ARHGEF7: variants seen among roughly 807,000 people sequenced by gnomAD.
ARHGEF7 encodes Rho guanine nucleotide exchange factor 7, also known as PAK-interacting exchange factor beta.
A neutral mutation model predicts 109.8 loss-of-function variants in ARHGEF7; 33 were observed. That is an observed-to-expected ratio of 0.30 (90% CI 0.23 to 0.40). The LOEUF is 0.40. Among genes scored for constraint, ARHGEF7 ranks in the 10% least tolerant of loss-of-function variants. The pLI is 1.00. For synonymous variants in ARHGEF7, 458 were observed against 424.6 expected (o/e 1.08, Z -0.97); for missense variants, 938 against 1,098.5 (o/e 0.85, Z 2.07).
intron 8 of ARHGEF7, among the ~76,000 whole-genome samples, chr13:111,263,522 C>T (rs973669967): frequency 2.0e-5 from 3 of 152,212 alleles, no homozygotes; most frequent in African/African-American, 4.8e-5. Flanking sequence ...TAGCATAGCC[C>T]ATGGCCCAGC....
chr13:111,270,564 T>C (rs2092058828), intron 9 of ARHGEF7, among the ~76,000 whole-genome samples: 1 of 152,212 alleles, frequency 6.6e-6, no homozygotes, highest in Admixed American at 6.5e-5. Context: ...CATGTTTCAC[T>C]TTTTTGGCTT....
At chr13:111,196,343 T>C (rs1402562954) in intron 2 of ARHGEF7, among the ~76,000 whole-genome samples, 1 of 152,218 alleles carries the variant, frequency 6.6e-6, no homozygotes, top group Non-Finnish European at 1.5e-5. Flanking sequence ...CATTCTGTCA[T>C]TTACTTGACT....
At chr13:111,276,358 C>T (rs2092481655) in intron 12 of ARHGEF7, among the ~76,000 whole-genome samples, 1 of 152,210 alleles carries the variant, frequency 6.6e-6, no homozygotes, top group African/African-American at 2.4e-5. Context: ...AAAACTAAAA[C>T]TTCAAACTTA....
chr13:111,205,485 CT>C (rs1314037044), intron 3 of ARHGEF7, 112 bp downstream of exon 3: 54 of 667,052 alleles, frequency 8.1e-5, no homozygotes, highest in Non-Finnish European at 7.4e-6. Context: ...AAAAAATAAG[CT>C]TTTGTTGCAT....
At chr13:111,186,529 G>T (rs992544754) in intron 2 of ARHGEF7, among the ~76,000 whole-genome samples, 7 of 152,150 alleles carry the variant, frequency 4.6e-5, no homozygotes, top group Non-Finnish European at 7.3e-5. Context: ...ACGTACTGCT[G>T]GATTTCTGTT....
intron 2 of ARHGEF7, among the ~76,000 whole-genome samples, chr13:111,193,310 C>T (rs572428926): frequency 9.1e-4 from 138 of 152,298 alleles, no homozygotes; most frequent in African/African-American, 3.0e-3. Context: ...AGGGTCCTTC[C>T]GTAGGTATTT....
At chr13:111,174,768 T>C (rs1018768806) in intron 2 of ARHGEF7, among the ~76,000 whole-genome samples, 20 of 152,138 alleles carry the variant, frequency 1.3e-4, no homozygotes, top group African/African-American at 4.6e-4. Context: ...ATCTGTACGC[T>C]GGGGGTCGTA....
chr13:111,129,688 G>T (rs958764903), intron 1 of ARHGEF7, among the ~76,000 whole-genome samples: 5 of 152,216 alleles, frequency 3.3e-5, no homozygotes, highest in Non-Finnish European at 7.3e-5. Context: ...CACTACACAC[G>T]TATCATCACG....
chr13:111,138,696 A>G (rs979505029), intron 1 of ARHGEF7, among the ~76,000 whole-genome samples: 1 of 152,166 alleles, frequency 6.6e-6, no homozygotes, highest in African/African-American at 2.4e-5. Context: ...ACATTGCTCA[A>G]TTTCAGTCCA....
chr13:111,288,274 A>T, intron 17 of ARHGEF7, 80 bp from the exon 18 acceptor site: 1 of 767,990 alleles, frequency 1.3e-6, no homozygotes. Flanking sequence ...GGTCGAGTTG[A>T]TGTCTGCATT....
chr13:111,187,780 T>G (rs1254283464), intron 2 of ARHGEF7, among the ~76,000 whole-genome samples: 1 of 152,122 alleles, frequency 6.6e-6, no homozygotes, highest in Non-Finnish European at 1.5e-5. Flanking sequence ...AACATTGGAG[T>G]GTCCTTCTGT....
chr13:111,163,486 G>A (rs1281382848), intron 2 of ARHGEF7, among the ~76,000 whole-genome samples: 1 of 152,162 alleles, frequency 6.6e-6, no homozygotes, highest in Non-Finnish European at 1.5e-5. Flanking sequence ...AGCCACAGAT[G>A]CGATTTTAAG....
intron 10 of ARHGEF7, 141 bp downstream of exon 10, chr13:111,274,093 T>A: frequency 1.9e-6 from 2 of 1,071,208 alleles, no homozygotes; most frequent in Non-Finnish European, 2.6e-6. Flanking sequence ...TGTTAAATAT[T>A]ATGTTTTTCT....
At chr13:111,264,046 AG>A (rs1446852118) in intron 8 of ARHGEF7, among the ~76,000 whole-genome samples, 1 of 152,230 alleles carries the variant, frequency 6.6e-6, no homozygotes, top group East Asian at 1.9e-4. Flanking sequence ...TAATCCCGGT[AG>A]GTTGTGGAAA....
Position 111,133,858 on chromosome 13 carries a change from T to TTTG in ARHGEF7, c.165+18170_165+18172dup, listed in dbSNP as rs2074949858. On this transcript the variant is annotated intron_variant, in intron 1 of 21. Coordinates refer to ENST00000646102, the MANE Select transcript of ARHGEF7 (RefSeq NM_001354046.2). ...TAGGTACATGTGCACAGTGTGCAGG[T>TTTG]TTGTTACATATGTATACATGTGCCA... Among the ~76,000 whole-genome samples, 3 of 146,000 alleles carry TTTG rather than the reference T, an allele frequency of 2.1e-5. No individual in the cohort carries two copies. The South Asian group carries it at 6.7e-4, about 33-fold the overall frequency.
At chr13:111,167,733 G>T (rs2077242563) in intron 2 of ARHGEF7, among the ~76,000 whole-genome samples, 1 of 152,162 alleles carries the variant, frequency 6.6e-6, no homozygotes, top group Non-Finnish European at 1.5e-5. Flanking sequence ...CCTGCTTCCT[G>T]CAGGAGCCAC....
chr13:111,179,483 T>C (rs1311391442), intron 2 of ARHGEF7, among the ~76,000 whole-genome samples: 3 of 152,212 alleles, frequency 2.0e-5, no homozygotes, highest in Admixed American at 1.3e-4. Flanking sequence ...ATCTTAAAAA[T>C]AAGAACATTC....
intron 13 of ARHGEF7, among the ~76,000 whole-genome samples, chr13:111,280,058 TTGAG>T (rs1420654882): frequency 6.6e-6 from 1 of 152,214 alleles, no homozygotes; most frequent in African/African-American, 2.4e-5. Context: ...TTGTCGCCAG[TTGAG>T]TTTCTTGCTT....
At chr13:111,174,260 C>G (rs1238419672) in intron 2 of ARHGEF7, among the ~76,000 whole-genome samples, 2 of 152,226 alleles carry the variant, frequency 1.3e-5, no homozygotes, top group East Asian at 1.9e-4. Flanking sequence ...AGCTTATACT[C>G]TAAGATCATT....
Sources: allele counts gnomAD v4.1 joint callset (sites outside exome capture counted in the v4.1 genomes callset), GRCh38; gene constraint gnomAD v4.1.1; transcripts MANE v1.5; gene names NCBI Gene and HGNC (gene_info 2026-07-23, HGNC 2026-07-21).